Variants in AMDHD2 observed in about 807,000 individuals in gnomAD.
The protein encoded by AMDHD2 is amidohydrolase domain containing 2.
AMDHD2 carries 24 observed loss-of-function variants against 41.8 expected under a neutral mutation model. That is an observed-to-expected ratio of 0.57 (90% CI 0.42 to 0.81). The LOEUF is 0.81. Among genes scored for constraint, AMDHD2 ranks in the 30% least tolerant of loss-of-function variants. The probability of loss-of-function intolerance (pLI) is 0.00; values close to 1 mark genes in which losing one functional copy is unlikely to be tolerated. For missense variants in AMDHD2, 540 were observed against 588.5 expected (o/e 0.92, Z 0.85); for synonymous variants, 332 against 255.5 (o/e 1.30, Z -2.85).
At chr16:2,525,111 C>T (rs1244495440) in intron 3 of AMDHD2, among the ~76,000 whole-genome samples, 1 of 151,868 alleles carries the variant, frequency 6.6e-6, no homozygotes, top group Admixed American at 6.6e-5. Flanking sequence ...GGCTGGAGTG[C>T]AATGGTGTGA....
chr16:2,523,079 C>T lies in AMDHD2; in HGVS notation c.360+1956C>T, dbSNP rs1245150916. On this transcript the variant is annotated intron_variant, in intron 3 of 10. Transcript: ENST00000293971. ...GGCTGATCTTGAAATCCTGACCTCA[C>T]GATCTGCCCATCTCAGCCTCCCAAA... is the stretch of plus-strand genomic sequence containing the variant. Among the ~76,000 whole-genome samples, 7 of 152,028 alleles carry T rather than the reference C, an allele frequency of 4.6e-5. 1 individual carries two copies. Among genetic ancestry groups the T allele is most frequent in the Admixed American group, 3.9e-4 (6 of 15,254 alleles).
At position 2,526,177 on chromosome 16, in the gene AMDHD2, C is replaced by A. The variant is rs543757452; in HGVS notation, c.361-1384C>A. ...CCTGCTGACCTTGGTGGTGTGCTTTCTTTCAGAAGAGGTGTCAGCAGGCCA... is the reference window on the plus strand; with the variant it reads ...CCTGCTGACCTTGGTGGTGTGCTTTATTTCAGAAGAGGTGTCAGCAGGCCA... On this transcript the variant is annotated intron_variant, in intron 3 of 10. Coordinates refer to ENST00000293971, the MANE Select transcript of AMDHD2 (RefSeq NM_001330449.2). 2.3e-3 allele frequency among the ~76,000 whole-genome samples: 351 copies of A among 152,278 alleles called. 1 individual carries two copies. Among genetic ancestry groups the A allele is most frequent in the Non-Finnish European group, 3.7e-3 (253 of 68,030 alleles).
rs986630093 is a variant in AMDHD2 at position 2,530,935 on chromosome 16, C to T, written c.*1372C>T. On this transcript the variant is annotated 3_prime_UTR_variant, in exon 11 of 11. Coordinates refer to ENST00000293971, the MANE Select transcript of AMDHD2 (RefSeq NM_001330449.2). ...TTAGGAAGTGGCTGTCCAGCGCCTG[C>T]CTGTGCTGGGCCTGGGAGAGGAGCT... is the stretch of plus-strand genomic sequence containing the variant. 1.2e-6 allele frequency: 2 copies of T among 1,613,516 alleles called. No homozygotes were observed. The highest frequency in any genetic ancestry group is 1.7e-4 in the Middle Eastern group (1 of 6,054).
In AMDHD2 at chr16:2,530,616, G is replaced by A. The variant is rs377752525; in HGVS notation, c.*1053G>A. On this transcript the variant is annotated 3_prime_UTR_variant, in exon 11 of 11. Coordinates refer to ENST00000293971, the MANE Select transcript of AMDHD2 (RefSeq NM_001330449.2). Reference sequence around the variant, plus strand: ...CCTGGGCACAGGAGGTACGCGCCTGGCTCTGCCACTGTTCTCTTCCCTCTG... The same window carrying A: ...CCTGGGCACAGGAGGTACGCGCCTGACTCTGCCACTGTTCTCTTCCCTCTG... 22 of 1,614,050 alleles carry A rather than the reference G, an allele frequency of 1.4e-5. No individual in the cohort carries two copies. Among genetic ancestry groups the A allele is most frequent in the Non-Finnish European group, 1.8e-5 (21 of 1,180,032 alleles).
rs766503541 is a variant in AMDHD2 at position 2,530,752 on chromosome 16, T to C, written c.*1189T>C. 6.2e-7 allele frequency: 1 copy of C among 1,613,616 alleles called. No individual in the cohort carries two copies. Among genetic ancestry groups the C allele is most frequent in the Admixed American group, 1.7e-5 (1 of 60,024 alleles). ...AAGAACCACCTGCCTGGGCAGGGCCTCGCCTGAGGGAGGGCCTGGGGCAGG... is the reference window on the plus strand; with the variant it reads ...AAGAACCACCTGCCTGGGCAGGGCCCCGCCTGAGGGAGGGCCTGGGGCAGG... On this transcript the variant is annotated 3_prime_UTR_variant, in exon 11 of 11. Coordinates refer to ENST00000293971, the MANE Select transcript of AMDHD2 (RefSeq NM_001330449.2).
intron 10 of AMDHD2, 190 bp downstream of exon 10, chr16:2,529,285 A>G: frequency 1.9e-6 from 2 of 1,079,332 alleles, no homozygotes; most frequent in Non-Finnish European, 1.3e-6. Flanking sequence ...TGTTGCAGAC[A>G]AGGCCAGGCA....
Position 2,520,554 on chromosome 16 carries a change from C to T in AMDHD2, c.83+13C>T, listed in dbSNP as rs756510763. ...GGAAACTGCTCAGGTGGGCGCGGGCCGGGGACTGCGGGGCTGGGGACCGGG... is the reference window on the plus strand; with the variant it reads ...GGAAACTGCTCAGGTGGGCGCGGGCTGGGGACTGCGGGGCTGGGGACCGGG... On this transcript the variant is annotated intron_variant, in intron 1 of 10. Coordinates refer to ENST00000293971, the MANE Select transcript of AMDHD2 (RefSeq NM_001330449.2). The T allele has an allele frequency of 3.0e-5, 32 of 1,064,330 alleles. No homozygotes were observed. The highest frequency in any genetic ancestry group is 3.5e-5 in the Non-Finnish European group (31 of 881,800). 65.9% of individuals were successfully genotyped at this position (1,064,330 alleles called of 1,614,324 possible).
chr16:2,531,057 G>C lies in AMDHD2; in HGVS notation c.*1494G>C. On this transcript the variant is annotated 3_prime_UTR_variant, in exon 11 of 11. Transcript: ENST00000293971. ...CCTGTGCCCAGCTTGCTGGCTGTCA[G>C]TGCTTGATGTGCCCATCCTCAGCTA... is the stretch of plus-strand genomic sequence containing the variant. 1.3e-6 allele frequency: 2 copies of C among 1,593,148 alleles called. No individual in the cohort carries two copies. Among genetic ancestry groups the C allele is most frequent in the East Asian group, 2.2e-5 (1 of 44,476 alleles).
Position 2,527,607 on chromosome 16 carries a change from G to C in AMDHD2, c.407G>C (p.Gly136Ala). 6.2e-7 allele frequency: 1 copy of C among 1,612,696 alleles called. No homozygotes were observed. The highest frequency in any genetic ancestry group is 1.3e-5 in the African/African-American group (1 of 74,990). Reference protein sequence around the residue: ...PVKSGGPHGAGVLGLHLEGPF... With the variant: ...PVKSGGPHGAAVLGLHLEGPF... ...AAGAGTGGTGGTCCCCATGGGGCAGGGGTCCTCGGTGAGTGGCTGACCTCC... is the reference window on the plus strand; with the variant it reads ...AAGAGTGGTGGTCCCCATGGGGCAGCGGTCCTCGGTGAGTGGCTGACCTCC... Residue 136 changes from glycine to alanine, a missense_variant, in exon 4 of 11, where the codon GGG becomes GCG. By Grantham distance (60) the Gly-to-Ala change is moderately conservative (BLOSUM62 0). Coordinates refer to ENST00000293971, the MANE Select transcript of AMDHD2 (RefSeq NM_001330449.2). The surrounding 1 kb of genome is among the most constrained non-coding windows in gnomAD (Gnocchi z 6.1).
intron 3 of AMDHD2, among the ~76,000 whole-genome samples, chr16:2,523,758 C>T (rs1391990221): frequency 6.6e-6 from 1 of 152,176 alleles, no homozygotes; most frequent in Non-Finnish European, 1.5e-5. Flanking sequence ...CACCTCTGCC[C>T]CACCCCTACC....
At chr16:2,524,600 T>G (rs2065980830) in intron 3 of AMDHD2, among the ~76,000 whole-genome samples, 1 of 152,216 alleles carries the variant, frequency 6.6e-6, no homozygotes, top group African/African-American at 2.4e-5. Flanking sequence ...TTTTCCTGTT[T>G]TAATCTTTAG....
rs762936022 is a variant in AMDHD2 at position 2,520,505 on chromosome 16, C to G, written c.47C>G (p.Thr16Ser). The change falls in exon 1 of 11, where the codon ACT (threonine) becomes AGT (serine). Residue 16 changes from threonine (T) to serine (S), a missense_variant. Physicochemically the swap from Thr to Ser is moderately conservative, Grantham distance 58. Coordinates refer to ENST00000293971, the MANE Select transcript of AMDHD2 (RefSeq NM_001330449.2). ...GCGGGGGCCCGCGTGCTCCAGTTCACTAACTGCCGGATCCTGCGCGGAGGG... is the reference window on the plus strand; with the variant it reads ...GCGGGGGCCCGCGTGCTCCAGTTCAGTAACTGCCGGATCCTGCGCGGAGGG... ...GAAGARVLQFTNCRILRGGKL... is the reference protein window; with the variant it reads ...GAAGARVLQFSNCRILRGGKL... 9.7e-5 allele frequency: 120 copies of G among 1,234,212 alleles called. No homozygotes were observed. Among genetic ancestry groups the G allele is most frequent in the Non-Finnish European group, 1.2e-4 (115 of 982,060 alleles). 76.5% of individuals were successfully genotyped at this position (1,234,212 alleles called of 1,614,324 possible).
At chr16:2,522,521 C>T (rs977056313) in intron 3 of AMDHD2, among the ~76,000 whole-genome samples, 24 of 151,946 alleles carry the variant, frequency 1.6e-4, no homozygotes, top group African/African-American at 4.8e-4. Flanking sequence ...ACTAAAAATA[C>T]AAAAAATTAG....
chr16:2,527,104 A>C lies in AMDHD2; in HGVS notation c.361-457A>C. ...GCCTGCCCACCTGTTAGCCTCTGAG[A>C]TGTGTGGTGTGAGCCCGTGTCCCCC... is the stretch of plus-strand genomic sequence containing the variant. On this transcript the variant is annotated intron_variant, in intron 3 of 10. Coordinates refer to ENST00000293971, the MANE Select transcript of AMDHD2 (RefSeq NM_001330449.2). The surrounding 1 kb of genome is among the most constrained non-coding windows in gnomAD (Gnocchi z 6.1). The C allele has an allele frequency of 5.0e-6, 1 of 199,304 alleles. No homozygotes were observed. Among genetic ancestry groups the C allele is most frequent in the Non-Finnish European group, 1.0e-5 (1 of 98,224 alleles). The allele number at this position is 199,304 out of a possible 1,614,324, so 12.3% of individuals were successfully genotyped here.
Position 2,530,847 on chromosome 16 carries a change from C to T in AMDHD2, c.*1284C>T, listed in dbSNP as rs1161503134. 1.1e-5 allele frequency: 17 copies of T among 1,613,638 alleles called. 1 individual carries two copies. Among genetic ancestry groups the T allele is most frequent in the East Asian group, 4.5e-5 (2 of 44,898 alleles). On this transcript the variant is annotated 3_prime_UTR_variant, in exon 11 of 11. Transcript: ENST00000293971. ...GGAAAGCAGGCGACGGATGTGGATC[C>T]TGACCTCCTGAGAGGTGTGAGGTGC...
Position 2,528,713 on chromosome 16 carries a change from C to T in AMDHD2, c.1034C>T (p.Ala345Val). The change falls in exon 9 of 11, where the codon GCC becomes GTC. Residue 345 changes from alanine to valine, a missense_variant. Transcript: ENST00000293971. ...MDVCVRHFLQ[A>V]TGCSMESALE... ...GTCTGTGTCCGGCACTTCCTGCAGG[C>T]CACAGGTCAGTGAGCAGCACGGGTG... 1.2e-6 allele frequency: 2 copies of T among 1,612,520 alleles called. No individual in the cohort carries two copies. Among genetic ancestry groups the T allele is most frequent in the Non-Finnish European group, 1.7e-6 (2 of 1,179,866 alleles).
intron 3 of AMDHD2, among the ~76,000 whole-genome samples, chr16:2,526,440 C>A (rs771726988): frequency 3.9e-4 from 60 of 152,168 alleles, no homozygotes; most frequent in Admixed American, 1.2e-3. Context: ...GACCGGCACA[C>A]TCAGGGCAGG....
rs1296170987 is a variant in AMDHD2, at chr16:2,528,453, G to A, written c.864G>A (p.Gly288=). ...GGTTCTGAGCCTCTTCTCCCCCAGG[G>A]CTGGTGCTGGTCACCGATGCCATCC... ...LRIAHRAHPQ[G]LVLVTDAIPA... is the part of the protein sequence containing the mutation. Residue 288 remains glycine (G), a splice_region_variant and synonymous_variant, in exon 8 of 11, where the codon GGG becomes GGA. Transcript: ENST00000293971. 5.6e-6 allele frequency: 9 copies of A among 1,612,832 alleles called. No individual in the cohort carries two copies. Among genetic ancestry groups the A allele is most frequent in the Non-Finnish European group, 7.6e-6 (9 of 1,179,928 alleles).
At chr16:2,522,860 T>TG (rs1491183554) in intron 3 of AMDHD2, among the ~76,000 whole-genome samples, 56 of 151,396 alleles carry the variant, frequency 3.7e-4, no homozygotes, top group African/African-American at 1.2e-3. Context: ...TTTTTTTTTT[T>TG]TGAGACATAG....
Sources: gnomAD v4.1 joint callset for allele counts (sites outside exome capture counted in the v4.1 genomes callset) on GRCh38, gnomAD v4.1.1 for gene constraint, Gnocchi (gnomAD v3.1) non-coding constraint, MANE v1.5 for transcripts, NCBI Gene and HGNC (gene_info 2026-07-23, HGNC 2026-07-21) for gene names.